The following INTS13 variants were observed in gnomAD, a reference collection of about 807,000 sequenced individuals.
INTS13 encodes the protein asunder, spermatogenesis regulator homolog (Drosphila).
Under a neutral mutation model 90.2 loss-of-function variants are expected in INTS13, and 35 were observed. The observed-to-expected ratio is 0.39, with a 90% CI of 0.30 to 0.51. INTS13 has a LOEUF of 0.51. Ranked by LOEUF, INTS13 falls within the 20% of genes least tolerant of loss-of-function variation. The probability of loss-of-function intolerance (pLI) is 0.80; values close to 1 mark genes in which losing one functional copy is unlikely to be tolerated. For synonymous variants in INTS13, 309 were observed against 277.1 expected (o/e 1.11, Z -1.14); for missense variants, 601 against 851.2 (o/e 0.71, Z 3.66).
At chr12:26,929,034 G>T in intron 3 of INTS13, 129 bp from the exon 4 acceptor site, 1 of 790,166 alleles carries the variant, frequency 1.3e-6, no homozygotes, top group Non-Finnish European at 2.0e-6. Context: ...AAAAATAGTA[G>T]CAAACCAAAT....
At position 26,932,916 on chromosome 12, in the gene INTS13, C is replaced by T. The variant is rs1332501438; in HGVS notation, c.300+1640G>A. ...TTCTAATCTGCCATTTAGTGCCTTG[C>T]TTTTAAATAAGACTGTCTAGCTAAC... On this transcript the variant is annotated intron_variant, in intron 3 of 16. Coordinates refer to ENST00000261191, the MANE Select transcript of INTS13 (RefSeq NM_018164.3). 2.6e-5 allele frequency among the ~76,000 whole-genome samples: 4 copies of T among 152,160 alleles called. No individual in the cohort carries two copies. The East Asian group carries it at 7.7e-4, about 29-fold the overall frequency.
chr12:26,910,502 T>G (rs1280336865), intron 15 of INTS13, among the ~76,000 whole-genome samples: 1 of 152,146 alleles, frequency 6.6e-6, no homozygotes, highest in Non-Finnish European at 1.5e-5. Context: ...GAGTTCTCAC[T>G]AGATCTGATA....
At chr12:26,919,700 A>G (rs538103481) in intron 8 of INTS13, among the ~76,000 whole-genome samples, 38 of 152,238 alleles carry the variant, frequency 2.5e-4, no homozygotes, top group South Asian at 2.1e-4. Flanking sequence ...ATAAATGAAC[A>G]GACAACAGGG....
intron 7 of INTS13, 95 bp from the exon 8 acceptor site, chr12:26,922,795 G>A: frequency 3.0e-6 from 2 of 668,628 alleles, no homozygotes; most frequent in African/African-American, 1.8e-5. Context: ...TTAAAATGAG[G>A]GCAAATACAT....
intron 8 of INTS13, among the ~76,000 whole-genome samples, chr12:26,920,806 A>T (rs910994245): frequency 6.6e-6 from 1 of 152,132 alleles, no homozygotes; most frequent in Non-Finnish European, 1.5e-5. Context: ...CCTTTGGTAA[A>T]CGTTTATATA....
chr12:26,928,051 GA>G (rs138760080), intron 5 of INTS13, among the ~76,000 whole-genome samples, 153 bp downstream of exon 5: 27,679 of 151,834 alleles, frequency 0.18, 2,567 homozygotes, highest in Non-Finnish European at 0.2. Context: ...AGGGAAAATG[GA>G]AAAAAAAGTT....
chr12:26,932,042 G>A (rs1175562930), intron 3 of INTS13, among the ~76,000 whole-genome samples: 8 of 147,074 alleles, frequency 5.4e-5, no homozygotes, highest in African/African-American at 1.0e-4. Context: ...AGCCAAGATC[G>A]TGCCACTGCA....
chr12:26,910,163 TCAAA>T (rs1441569430), intron 15 of INTS13, among the ~76,000 whole-genome samples: 4 of 152,182 alleles, frequency 2.6e-5, no homozygotes, highest in Non-Finnish European at 5.9e-5. Flanking sequence ...ACACTGAAAC[TCAAA>T]CACATTTTAA....
intron 15 of INTS13, among the ~76,000 whole-genome samples, chr12:26,906,924 C>A (rs1951628128): frequency 6.6e-6 from 1 of 152,170 alleles, no homozygotes; most frequent in South Asian, 2.1e-4. Context: ...AGGGTTTTTA[C>A]TGGGGGCTGA....
chr12:26,925,810 G>A lies in INTS13; in HGVS notation c.626C>T (p.Thr209Ile). 1.2e-6 allele frequency: 2 copies of A among 1,613,006 alleles called. No homozygotes were observed. Among genetic ancestry groups the A allele is most frequent in the South Asian group, 1.1e-5 (1 of 91,010 alleles). The change falls in exon 6 of 17, where the codon ACC becomes ATC. Residue 209 changes from threonine to isoleucine, a missense_variant. Thr to Ile is a moderately conservative substitution (Grantham distance 89). Coordinates refer to ENST00000261191, the MANE Select transcript of INTS13 (RefSeq NM_018164.3). ...IQKCELVLIH[T>I]YPVGEDSLVS... Reference sequence around the variant, plus strand: ...AAGGCTGTCTTCACCAACTGGGTAGGTGTGGATCAAGACCAACTCACATTT... The same window carrying A: ...AAGGCTGTCTTCACCAACTGGGTAGATGTGGATCAAGACCAACTCACATTT...
intron 15 of INTS13, 52 bp from the exon 16 acceptor site, chr12:26,906,489 T>C (rs1488051): frequency 0.63 from 975,740 of 1,541,138 alleles, 310,380 homozygotes; most frequent in East Asian, 0.94. Flanking sequence ...TAATTTATTA[T>C]TTCCAAATTT....
intron 8 of INTS13, 38 bp from the exon 9 acceptor site, chr12:26,917,771 A>G (rs988715729): frequency 1.4e-6 from 2 of 1,379,562 alleles, no homozygotes; most frequent in South Asian, 1.2e-5. Flanking sequence ...CATTGTATAC[A>G]TGTATCAAAA....
chr12:26,930,047 A>T (rs1213233271), intron 3 of INTS13, among the ~76,000 whole-genome samples: 1 of 152,206 alleles, frequency 6.6e-6, no homozygotes, highest in Non-Finnish European at 1.5e-5. Context: ...TGAAGACTAA[A>T]TTTTTTAAAA....
intron 3 of INTS13, among the ~76,000 whole-genome samples, chr12:26,932,975 A>G (rs1938277270): frequency 6.6e-6 from 1 of 152,226 alleles, no homozygotes; most frequent in South Asian, 2.1e-4. Context: ...CCTCAACATA[A>G]AAAAAGAACT....
At chr12:26,925,263 G>C (rs1937806332) in intron 6 of INTS13, among the ~76,000 whole-genome samples, 1 of 152,050 alleles carries the variant, frequency 6.6e-6, no homozygotes, top group African/African-American at 2.4e-5. Context: ...ATAAATTACT[G>C]ATAGAGAATA....
At position 26,936,753 on chromosome 12, in the gene INTS13, G is replaced by A. The variant is rs1938484278; in HGVS notation, c.51C>T (p.Cys17=). The change falls in exon 2 of 17, where the codon TGC becomes TGT. Residue 17 remains cysteine, a synonymous_variant. Transcript: ENST00000261191. ...SHKTVFVVDH[C]PYMAESCRQH... The stretch of plus-strand genomic sequence containing the variant: ...GCCTGCAAGATTCTGCCATATAAGG[G>A]CAGTGATCCACAACAAACACTGTTT... The A allele has an allele frequency of 3.7e-6, 6 of 1,613,904 alleles. No homozygotes were observed. The East Asian group carries it at 1.3e-4, about 36-fold the overall frequency.
At chr12:26,920,101 C>G (rs1952064723) in intron 8 of INTS13, among the ~76,000 whole-genome samples, 1 of 149,468 alleles carries the variant, frequency 6.7e-6, no homozygotes, top group Non-Finnish European at 1.5e-5. Context: ...GCACTCCAGC[C>G]TGGGCGACAG....
intron 3 of INTS13, among the ~76,000 whole-genome samples, chr12:26,932,144 G>A (rs1255115890): frequency 2.0e-5 from 3 of 151,244 alleles, no homozygotes; most frequent in South Asian, 2.1e-4. Flanking sequence ...ACCCACAAGC[G>A]TGAAGTGAGT....
At chr12:26,935,722 TAAG>T (rs1938424662) in intron 2 of INTS13, among the ~76,000 whole-genome samples, 1 of 152,196 alleles carries the variant, frequency 6.6e-6, no homozygotes, top group South Asian at 2.1e-4. Flanking sequence ...ACACAAATTT[TAAG>T]AAGGGCTTAT....
Sources: allele counts gnomAD v4.1 joint callset (sites outside exome capture counted in the v4.1 genomes callset), GRCh38; gene constraint gnomAD v4.1.1; transcripts MANE v1.5; gene names NCBI Gene and HGNC (gene_info 2026-07-23, HGNC 2026-07-21).